SLC22A9: variants seen among roughly 807,000 people sequenced by gnomAD.
SLC22A9 encodes solute carrier family 22 member 9, also known as organic anion transporter 7.
Under a neutral mutation model 50.1 loss-of-function variants are expected in SLC22A9, and 64 were observed. The observed-to-expected ratio is 1.28, with a 90% CI of 1.04 to 1.57. SLC22A9 has a LOEUF of 1.57. Ranked by LOEUF, SLC22A9 falls within the 40% of genes most tolerant of loss-of-function variation. SLC22A9 has a pLI of 0.00. For synonymous variants in SLC22A9, 261 were observed against 242.5 expected, an observed-to-expected ratio of 1.08 and a Z score of -0.71; for missense variants, 757 against 676.1, an observed-to-expected ratio of 1.12 and a Z score of -1.33.
intron 1 of SLC22A9, among the ~76,000 whole-genome samples, chr11:63,370,732 A>G (rs1447684342): frequency 1.3e-5 from 2 of 152,226 alleles, no homozygotes; most frequent in African/African-American, 4.8e-5. Context: ...ATGTTCTGCT[A>G]GGTCAGTGAT....
chr11:63,376,335 T>C (rs1194215544), intron 5 of SLC22A9, among the ~76,000 whole-genome samples: 3 of 152,154 alleles, frequency 2.0e-5, no homozygotes, highest in African/African-American at 7.2e-5. Flanking sequence ...TATAAGTTCC[T>C]AAAGCATGAC....
intron 5 of SLC22A9, among the ~76,000 whole-genome samples, chr11:63,378,626 G>A (rs1300850247): frequency 1.3e-5 from 2 of 152,146 alleles, no homozygotes; most frequent in Non-Finnish European, 2.9e-5. Context: ...AATCCCTGTA[G>A]TTGTAGCCCA....
At chr11:63,399,544 T>A (rs112597846) in intron 6 of SLC22A9, among the ~76,000 whole-genome samples, 3 of 152,204 alleles carry the variant, frequency 2.0e-5, no homozygotes, top group African/African-American at 7.2e-5. Context: ...AGCACCTAGA[T>A]ATATAAAGTA....
intron 5 of SLC22A9, among the ~76,000 whole-genome samples, chr11:63,378,024 A>C (rs1219089434): frequency 6.6e-6 from 1 of 152,108 alleles, no homozygotes; most frequent in Non-Finnish European, 1.5e-5. Flanking sequence ...TGTATAAACC[A>C]ATAACAAGTT....
At chr11:63,408,654 G>T in intron 8 of SLC22A9, 22 bp from the exon 9 acceptor site, 1 of 1,596,970 alleles carries the variant, frequency 6.3e-7, no homozygotes. Context: ...AGATATTCTT[G>T]TATTGCTGTT....
intron 6 of SLC22A9, among the ~76,000 whole-genome samples, chr11:63,404,823 C>A (rs893266462): frequency 6.6e-6 from 1 of 152,142 alleles, no homozygotes; most frequent in Non-Finnish European, 1.5e-5. Context: ...CACTGGTTGC[C>A]TAACATTGTG....
intron 7 of SLC22A9, among the ~76,000 whole-genome samples, chr11:63,407,302 T>C (rs1044031116): frequency 1.3e-5 from 2 of 152,178 alleles, no homozygotes; most frequent in Non-Finnish European, 2.9e-5. Context: ...CTCTTGTAGA[T>C]TCTATTTTAA....
At chr11:63,405,114 A>AAATAATAATAAT (rs1210823050) in intron 6 of SLC22A9, among the ~76,000 whole-genome samples, 1 of 151,826 alleles carries the variant, frequency 6.6e-6, no homozygotes, top group Admixed American at 6.6e-5. Context: ...AAAGCTATTG[A>AAATAATAATAAT]AATAATAACA....
chr11:63,379,088 C>T (rs2119892189), intron 5 of SLC22A9, among the ~76,000 whole-genome samples: 1 of 152,114 alleles, frequency 6.6e-6, no homozygotes, highest in East Asian at 1.9e-4. Context: ...ATGAACAAAG[C>T]TGTAGGCATC....
chr11:63,381,965 C>G (rs2014570502), intron 5 of SLC22A9, among the ~76,000 whole-genome samples, 194 bp from the exon 6 acceptor site: 1 of 152,130 alleles, frequency 6.6e-6, no homozygotes, highest in African/African-American at 2.4e-5. Context: ...AACATAATTT[C>G]CTGGAGGCTG....
intron 5 of SLC22A9, among the ~76,000 whole-genome samples, chr11:63,378,216 C>T (rs762926983): frequency 6.6e-6 from 1 of 151,444 alleles, no homozygotes; most frequent in Middle Eastern, 3.2e-3. Flanking sequence ...CATTCTAATA[C>T]CAAAACCTGG....
chr11:63,406,660 C>T lies in SLC22A9; in HGVS notation c.1237C>T (p.Leu413Phe). ...GAACCGTCGAGCAAGCCAGATGCTT[C>T]TCATGTTCCTACTGGCAATCTGCCT... ...YMNRRASQML[L>F]MFLLAICLLA... Residue 413 changes from leucine (L) to phenylalanine (F), a missense_variant, in exon 7 of 10, where the codon CTC becomes TTC. Physicochemically the swap from Leu to Phe is conservative, Grantham distance 22. Transcript: ENST00000279178. 1 of 1,613,760 alleles carries T rather than the reference C, an allele frequency of 6.2e-7. No individual in the cohort carries two copies. The highest frequency in any genetic ancestry group is 2.2e-5 in the East Asian group (1 of 44,860).
intron 5 of SLC22A9, among the ~76,000 whole-genome samples, chr11:63,381,500 A>G (rs1215127571): frequency 2.0e-5 from 3 of 152,176 alleles, no homozygotes; most frequent in Non-Finnish European, 4.4e-5. Context: ...ATCTCTTTCT[A>G]AAAGTGTTCT....
intron 5 of SLC22A9, among the ~76,000 whole-genome samples, chr11:63,379,736 TTTG>T (rs2014527195): frequency 6.6e-6 from 1 of 152,110 alleles, no homozygotes; most frequent in Non-Finnish European, 1.5e-5. Flanking sequence ...TTTGTTTTGT[TTTG>T]TTTTGTTTTT....
At chr11:63,406,838 A>G (rs557276418) in intron 7 of SLC22A9, 127 bp downstream of exon 7, 54 of 1,067,824 alleles carry the variant, frequency 5.1e-5, no homozygotes, top group Non-Finnish European at 6.5e-5. Context: ...CCTGACACCA[A>G]TCTGGGGATT....
At chr11:63,374,122 C>A in intron 4 of SLC22A9, 60 bp downstream of exon 4, 1 of 1,464,092 alleles carries the variant, frequency 6.8e-7, no homozygotes, top group Non-Finnish European at 9.1e-7. Context: ...GTATGTGGAA[C>A]TAGGACACCT....
chr11:63,378,845 G>T (rs1286095688), intron 5 of SLC22A9, among the ~76,000 whole-genome samples: 1 of 151,924 alleles, frequency 6.6e-6, no homozygotes, highest in Non-Finnish European at 1.5e-5. Context: ...GAACTACAAA[G>T]CAATGATGAA....
At chr11:63,391,945 T>A (rs1042082866) in intron 6 of SLC22A9, among the ~76,000 whole-genome samples, 2 of 152,096 alleles carry the variant, frequency 1.3e-5, no homozygotes, top group African/African-American at 4.8e-5. Flanking sequence ...TGATATGTTT[T>A]AATCTCCTAC....
In SLC22A9 at chr11:63,374,049, T is replaced by A. The variant is rs750262014; in HGVS notation, c.817T>A (p.Phe273Ile). The part of the protein sequence containing the change: ...LVVSVPYFVI[F>I]LTSSWLLESA... ...GGTGTCTGTACCATACTTTGTGATC[T>A]TTCTGACCTCAAGGTATGAGTTTGT... Residue 273 changes from phenylalanine to isoleucine, a missense_variant, in exon 4 of 10, where the codon TTT (phenylalanine) becomes ATT (isoleucine). Transcript: ENST00000279178. The A allele has an allele frequency of 6.8e-6, 11 of 1,608,692 alleles. No homozygotes were observed. Among genetic ancestry groups the A allele is most frequent in the Admixed American group, 1.7e-5 (1 of 58,750 alleles).
Sources: gnomAD v4.1 joint callset for allele counts (sites outside exome capture counted in the v4.1 genomes callset) on GRCh38, gnomAD v4.1.1 for gene constraint, MANE v1.5 for transcripts, NCBI Gene and HGNC (gene_info 2026-07-23, HGNC 2026-07-21) for gene names.